A4GALT: variants seen among roughly 807,000 people sequenced by gnomAD.
A4GALT encodes the protein lactosylceramide 4-alpha-galactosyltransferase.
For missense variants in A4GALT, 512 were observed against 486.0 expected, an observed-to-expected ratio of 1.05 and a Z score of -0.50; for synonymous variants, 257 against 220.7, an observed-to-expected ratio of 1.16 and a Z score of -1.46.
chr22:42,708,501 G>A (rs942958863), intron 1 of A4GALT, among the ~76,000 whole-genome samples: 8 of 148,804 alleles, frequency 5.4e-5, no homozygotes, highest in African/African-American at 2.0e-4. Flanking sequence ...CTGCACTTCA[G>A]CCTGTATGAC....
At chr22:42,711,499 G>C (rs1260397868) in intron 1 of A4GALT, among the ~76,000 whole-genome samples, 1 of 152,144 alleles carries the variant, frequency 6.6e-6, no homozygotes, top group Non-Finnish European at 1.5e-5. Flanking sequence ...TGAAGAGGCT[G>C]ATTAAATAAA....
intron 1 of A4GALT, among the ~76,000 whole-genome samples, chr22:42,709,333 C>A (rs373791296): frequency 9.3e-4 from 104 of 111,552 alleles, no homozygotes; most frequent in Middle Eastern, 4.9e-3. Context: ...GCACGAGCCA[C>A]TGTGCCAGGC....
intron 1 of A4GALT, among the ~76,000 whole-genome samples, chr22:42,718,781 T>C (rs1569074972): frequency 6.6e-6 from 1 of 152,060 alleles, no homozygotes; most frequent in African/African-American, 2.4e-5. Context: ...GAGGGAAGCA[T>C]GCGGTGAGCC....
At chr22:42,714,854 G>A (rs1922027427) in intron 1 of A4GALT, among the ~76,000 whole-genome samples, 1 of 152,102 alleles carries the variant, frequency 6.6e-6, no homozygotes, top group South Asian at 2.1e-4. Flanking sequence ...GCGGGGCAGG[G>A]GCTACTACAT....
At chr22:42,709,519 G>A (rs1921492278) in intron 1 of A4GALT, among the ~76,000 whole-genome samples, 1 of 152,044 alleles carries the variant, frequency 6.6e-6, no homozygotes, top group Non-Finnish European at 1.5e-5. Context: ...GCCAAGTACG[G>A]TGGCTCGTGC....
rs766552140 is a variant in A4GALT at position 42,693,249 on chromosome 22, G to A, written c.703C>T (p.Arg235Trp). 1.1e-5 allele frequency: 18 copies of A among 1,611,962 alleles called. No homozygotes were observed. Among genetic ancestry groups the A allele is most frequent in the Non-Finnish European group, 1.4e-5 (17 of 1,179,566 alleles). The change falls in exon 3 of 3, where the codon CGG (arginine) becomes TGG (tryptophan). Residue 235 changes from arginine (R) to tryptophan (W), a missense_variant. Coordinates refer to ENST00000642412, the MANE Select transcript of A4GALT (RefSeq NM_017436.7). ...CCGTTGTAGTGGTCCACGAAGTCCC[G>A]CATGCACAGCGCCATGAACTCGTGC... ...RRHEFMALCM[R>W]DFVDHYNGWI...
rs759146225 is a variant in A4GALT, at chr22:42,693,438, G to A, written c.514C>T (p.Pro172Ser). ...ATCCTGGAGGCGTCGGAGAGCACGGGCAGCAGGTAGGGCTCCCAGCGCCCC... is the reference window on the plus strand; with the variant it reads ...ATCCTGGAGGCGTCGGAGAGCACGGACAGCAGGTAGGGCTCCCAGCGCCCC... ...VQGRWEPYLL[P>S]VLSDASRIAL... The change falls in exon 3 of 3, where the codon CCC becomes TCC. Residue 172 changes from proline to serine, a missense_variant. Physicochemically the swap from Pro to Ser is moderately conservative, Grantham distance 74. Coordinates refer to ENST00000642412, the MANE Select transcript of A4GALT (RefSeq NM_017436.7). 1 of 1,613,336 alleles carries A rather than the reference G, an allele frequency of 6.2e-7. No individual in the cohort carries two copies. The highest frequency in any genetic ancestry group is 8.5e-7 in the Non-Finnish European group (1 of 1,179,998).
chr22:42,716,546 G>A (rs545191679), intron 1 of A4GALT, among the ~76,000 whole-genome samples: 12 of 152,278 alleles, frequency 7.9e-5, no homozygotes, highest in African/African-American at 2.9e-4. Context: ...AAGTGTAGAG[G>A]AAACCAAGGC....
intron 1 of A4GALT, among the ~76,000 whole-genome samples, chr22:42,699,420 A>G (rs1025824098): frequency 1.1e-4 from 17 of 152,142 alleles, no homozygotes; most frequent in Non-Finnish European, 2.2e-4. Context: ...TTCACTTTGC[A>G]CTGCGGACTC....
chr22:42,699,311 C>G (rs1931147707), intron 1 of A4GALT, among the ~76,000 whole-genome samples: 2 of 152,178 alleles, frequency 1.3e-5, no homozygotes, highest in Admixed American at 1.3e-4. Context: ...TCTTGAACTC[C>G]TGACCTCAAG....
chr22:42,716,378 A>G (rs1412488704), intron 1 of A4GALT, among the ~76,000 whole-genome samples: 2 of 152,094 alleles, frequency 1.3e-5, no homozygotes, highest in Non-Finnish European at 2.9e-5. Context: ...TTAAAAGCTC[A>G]CTGTCAGGCC....
intron 1 of A4GALT, among the ~76,000 whole-genome samples, chr22:42,706,178 AC>A (rs1921094645): frequency 7.5e-6 from 1 of 132,884 alleles, no homozygotes; most frequent in Non-Finnish European, 1.7e-5. Flanking sequence ...ACACGGTGAA[AC>A]CCCGTCTCTA....
At chr22:42,705,323 G>A (rs947554094) in intron 1 of A4GALT, among the ~76,000 whole-genome samples, 17 of 152,286 alleles carry the variant, frequency 1.1e-4, no homozygotes, top group Middle Eastern at 3.4e-3. Context: ...TGCCACAGCC[G>A]GGCGCAATGG....
At chr22:42,714,375 C>T (rs950296126) in intron 1 of A4GALT, among the ~76,000 whole-genome samples, 2 of 148,684 alleles carry the variant, frequency 1.3e-5, no homozygotes, top group Admixed American at 1.4e-4. Flanking sequence ...ATCACTTGAG[C>T]CCAGGAGTCC....
chr22:42,709,180 C>T (rs2147020251), intron 1 of A4GALT, among the ~76,000 whole-genome samples: 1 of 151,198 alleles, frequency 6.6e-6, no homozygotes, highest in Admixed American at 6.6e-5. Flanking sequence ...CCACCTCAGC[C>T]TCCTGAGTAG....
Position 42,703,106 on chromosome 22 carries a change from CTGTGTGTGTGTGTGTG to C in A4GALT, c.-187-7491_-187-7476del, listed in dbSNP as rs3985930. Among the ~76,000 whole-genome samples, 18 of 134,108 alleles carry C rather than the reference CTGTGTGTGTGTGTGTG, an allele frequency of 1.3e-4. No homozygotes were observed. The South Asian group carries it at 3.4e-3, about 26-fold the overall frequency. 88.0% of individuals were successfully genotyped at this position (134,108 alleles called of 152,430 possible). A position where few individuals can be genotyped will look rare whatever the true frequency, so the allele number is the denominator to read the frequency against. On this transcript the variant is annotated intron_variant, in intron 1 of 2. Coordinates refer to ENST00000642412, the MANE Select transcript of A4GALT (RefSeq NM_017436.7). Reference sequence around the variant, plus strand: ...GTGTGAGAGAGAGCATGCTGCCCCACTGTGTGTGTGTGTGTGTGTGTGTGTGTGTGTGTGTGTTGTC... The same window carrying C: ...GTGTGAGAGAGAGCATGCTGCCCCACTGTGTGTGTGTGTGTGTGTGTTGTC...
chr22:42,703,871 A>G (rs146596435), intron 1 of A4GALT, among the ~76,000 whole-genome samples: 2 of 152,320 alleles, frequency 1.3e-5, no homozygotes, highest in African/African-American at 4.8e-5. Flanking sequence ...AGCACCGAGT[A>G]CAGAATTCAA....
intron 1 of A4GALT, among the ~76,000 whole-genome samples, chr22:42,700,112 C>A (rs1002852039): frequency 6.6e-6 from 1 of 152,182 alleles, no homozygotes; most frequent in Non-Finnish European, 1.5e-5. Context: ...ACCCAGGAGA[C>A]GGGGGCTCCA....
chr22:42,703,413 G>A (rs1259607032), intron 1 of A4GALT, among the ~76,000 whole-genome samples: 1 of 151,790 alleles, frequency 6.6e-6, no homozygotes, highest in Non-Finnish European at 1.5e-5. Context: ...CTGCCACCGC[G>A]CCTGGCTAAT....
Sources: gnomAD v4.1 joint callset for allele counts (sites outside exome capture counted in the v4.1 genomes callset) on GRCh38, gnomAD v4.1.1 for gene constraint, MANE v1.5 for transcripts, NCBI Gene and HGNC (gene_info 2026-07-23, HGNC 2026-07-21) for gene names.